The following ADAMTSL1 variants were observed in gnomAD, a reference collection of about 807,000 sequenced individuals.
ADAMTSL1 encodes ADAMTS like 1, also known as ADAMTS-like protein 1.
ADAMTSL1 carries 126 observed loss-of-function variants against 201.8 expected under a neutral mutation model. The observed-to-expected ratio is 0.62, with a 90% CI of 0.54 to 0.72. ADAMTSL1 has a LOEUF of 0.72. ADAMTSL1 is among the 30% of genes least tolerant of loss of function. ADAMTSL1 has a pLI of 0.00. For synonymous variants in ADAMTSL1, 1,121 were observed against 903.4 expected (o/e 1.24, Z -4.32); for missense variants, 2,679 against 2,277.8 (o/e 1.18, Z -3.59).
chr9:18,042,580 A>G (rs1003359158), intron 1 of ADAMTSL1, among the ~76,000 whole-genome samples: 5 of 152,168 alleles, frequency 3.3e-5, no homozygotes, highest in African/African-American at 4.8e-5. Flanking sequence ...TTGCTACTCT[A>G]TTCTGCCTCT....
At chr9:18,874,700 A>T (rs183344003) in intron 23 of ADAMTSL1, among the ~76,000 whole-genome samples, 4 of 151,974 alleles carry the variant, frequency 2.6e-5, no homozygotes, top group Non-Finnish European at 5.9e-5. Flanking sequence ...GAGGATTTTT[A>T]CATTGATGTT....
chr9:18,416,017 T>C (rs1220887587), intron 2 of ADAMTSL1, among the ~76,000 whole-genome samples: 1 of 152,020 alleles, frequency 6.6e-6, no homozygotes, highest in Non-Finnish European at 1.5e-5. Context: ...AAGAATTCAT[T>C]ACTAGCAGAC....
chr9:18,220,912 C>A (rs991228211), intron 2 of ADAMTSL1, among the ~76,000 whole-genome samples: 1 of 151,814 alleles, frequency 6.6e-6, no homozygotes, highest in African/African-American at 2.4e-5. Flanking sequence ...GTAGCTGGGA[C>A]TACGAGCCTC....
rs1203104982 is a variant in ADAMTSL1, at chr9:18,286,692, G to T, written c.207+122711G>T. Among the ~76,000 whole-genome samples the T allele has an allele frequency of 3.6e-5, 2 of 55,006 alleles. 1 individual carries two copies. Among genetic ancestry groups the T allele is most frequent in the Non-Finnish European group, 1.0e-4 (2 of 20,006 alleles). The allele number at this position is 55,006 out of a possible 152,430, so 36.1% of individuals were successfully genotyped here. A position where few individuals can be genotyped will look rare whatever the true frequency, so the allele number is the denominator to read the frequency against. ...CTAGAGTTATCAAAATAACTTCTAG[G>T]ATTATGCATTATCAGGCCCATTCCT... On this transcript the variant is annotated intron_variant, in intron 2 of 29. Transcript: ENST00000680146.
At chr9:18,735,287 T>A (rs1480695402) in intron 15 of ADAMTSL1, among the ~76,000 whole-genome samples, 1 of 152,164 alleles carries the variant, frequency 6.6e-6, no homozygotes, top group African/African-American at 2.4e-5. Flanking sequence ...ACTCAAGAAC[T>A]CTTGGGTTAG....
intron 2 of ADAMTSL1, among the ~76,000 whole-genome samples, chr9:18,432,426 A>G (rs1387555574): frequency 1.3e-5 from 2 of 152,232 alleles, no homozygotes; most frequent in Non-Finnish European, 2.9e-5. Flanking sequence ...TTCCCGTAGC[A>G]AATAACCAAA....
rs1042717090 is a variant in ADAMTSL1, at chr9:18,461,207, A to G, written c.208-43622A>G. ...GTTTTTACAGATTTTAGTAAATATC[A>G]GTACCAAATATTGCGTATATTTTAA... On this transcript the variant is annotated intron_variant, in intron 2 of 29. Transcript: ENST00000680146. 2.0e-5 allele frequency among the ~76,000 whole-genome samples: 3 copies of G among 152,208 alleles called. No individual in the cohort carries two copies. The East Asian group carries it at 5.8e-4, about 29-fold the overall frequency.
chr9:17,976,782 G>A (rs1217261090), intron 1 of ADAMTSL1, among the ~76,000 whole-genome samples: 2 of 128,924 alleles, frequency 1.6e-5, no homozygotes, highest in Non-Finnish European at 3.2e-5. Context: ...TCTACAAACA[G>A]ATATAAATTT....
chr9:18,100,379 C>T (rs549021541), intron 1 of ADAMTSL1, among the ~76,000 whole-genome samples: 1 of 152,154 alleles, frequency 6.6e-6, no homozygotes, highest in Non-Finnish European at 1.5e-5. Flanking sequence ...CTTCCGGGCT[C>T]AAGCAATTCT....
intron 1 of ADAMTSL1, among the ~76,000 whole-genome samples, chr9:18,145,184 A>G (rs188088535): frequency 2.6e-5 from 4 of 152,318 alleles, no homozygotes; most frequent in Admixed American, 2.6e-4. Context: ...AGAAAACTTT[A>G]AAAGCTCAAA....
chr9:18,504,078 T>C (rs1822992523), intron 1 of ADAMTSL1, among the ~76,000 whole-genome samples: 1 of 152,038 alleles, frequency 6.6e-6, no homozygotes, highest in Non-Finnish European at 1.5e-5. Flanking sequence ...GGTAAGTTAC[T>C]TGTTCAAGGA....
intron 23 of ADAMTSL1, among the ~76,000 whole-genome samples, chr9:18,884,309 C>T (rs1248638105): frequency 5.9e-5 from 9 of 152,072 alleles, no homozygotes; most frequent in Admixed American, 5.2e-4. Flanking sequence ...TTTTTATATT[C>T]TGGATATTAA....
intron 1 of ADAMTSL1, among the ~76,000 whole-genome samples, chr9:17,971,608 T>C (rs1818208306): frequency 6.6e-6 from 1 of 152,016 alleles, no homozygotes; most frequent in African/African-American, 2.4e-5. Context: ...GAAGGTAATT[T>C]TTTCCATGTC....
chr9:18,842,508 T>C (rs1197424289), intron 23 of ADAMTSL1, among the ~76,000 whole-genome samples: 8 of 152,232 alleles, frequency 5.3e-5, no homozygotes, highest in Non-Finnish European at 1.0e-4. Context: ...AAAAAATGTA[T>C]ACTCTGTTGA....
intron 2 of ADAMTSL1, among the ~76,000 whole-genome samples, chr9:18,311,505 G>C (rs989809779): frequency 1.3e-5 from 2 of 152,130 alleles, no homozygotes; most frequent in Non-Finnish European, 2.9e-5. Context: ...AAGTAGCAGA[G>C]TCAACCTGGC....
intron 1 of ADAMTSL1, among the ~76,000 whole-genome samples, chr9:17,940,060 G>A (rs993515272): frequency 6.6e-6 from 1 of 152,040 alleles, no homozygotes; most frequent in Non-Finnish European, 1.5e-5. Context: ...CAATAGGTGT[G>A]GTTAGAATGT....
chr9:18,278,953 A>T (rs1832687443), intron 2 of ADAMTSL1, among the ~76,000 whole-genome samples: 2 of 152,018 alleles, frequency 1.3e-5, no homozygotes, highest in Non-Finnish European at 2.9e-5. Context: ...TCTGCTGTTA[A>T]AGCTCTTCAT....
intron 23 of ADAMTSL1, among the ~76,000 whole-genome samples, chr9:18,846,108 A>T (rs1826090365): frequency 6.6e-6 from 1 of 152,222 alleles, no homozygotes; most frequent in African/African-American, 2.4e-5. Context: ...GTCCTCATTC[A>T]TTTATTCAAA....
At chr9:18,542,128 G>A (rs927566569) in intron 3 of ADAMTSL1, among the ~76,000 whole-genome samples, 1 of 152,138 alleles carries the variant, frequency 6.6e-6, no homozygotes, top group Non-Finnish European at 1.5e-5. Flanking sequence ...TGCTTTTATA[G>A]TGTTTTAATT....
Sources: gnomAD v4.1 joint callset for allele counts (sites outside exome capture counted in the v4.1 genomes callset) on GRCh38, gnomAD v4.1.1 for gene constraint, MANE v1.5 for transcripts, NCBI Gene and HGNC (gene_info 2026-07-23, HGNC 2026-07-21) for gene names.